The following KCNQ1 variants were observed in gnomAD, a reference collection of about 807,000 sequenced individuals.
KCNQ1 encodes potassium voltage-gated channel subfamily KQT member 1.
Under a neutral mutation model 72.4 loss-of-function variants are expected in KCNQ1, and 49 were observed. The ratio of observed to expected loss-of-function variants is 0.68; its 90% confidence interval spans 0.54 to 0.86. The LOEUF (loss-of-function observed/expected upper bound fraction) is 0.86, where lower values mean the gene tolerates loss of function less well. Among genes scored for constraint, KCNQ1 ranks in the 40% least tolerant of loss-of-function variants. The pLI is 0.00. For synonymous variants in KCNQ1, 450 were observed against 412.6 expected (o/e 1.09, Z -1.10); for missense variants, 790 against 945.1 (o/e 0.84, Z 2.15).
chr11:2,578,540 G>A (rs1207311031), intron 6 of KCNQ1, among the ~76,000 whole-genome samples: 1 of 152,248 alleles, frequency 6.6e-6, no homozygotes, highest in Non-Finnish European at 1.5e-5. Flanking sequence ...TTCCTTCCAA[G>A]CCCTGGAGAG....
At chr11:2,461,804 A>G in intron 1 of KCNQ1, 2 of 1,067,542 alleles carry the variant, frequency 1.9e-6, no homozygotes, top group Non-Finnish European at 2.6e-6. Context: ...GGTGGCGGGT[A>G]GATGGGTGGA....
At chr11:2,641,143 A>C (rs995205401) in intron 10 of KCNQ1, 1 of 398,500 alleles carries the variant, frequency 2.5e-6, no homozygotes, top group Admixed American at 4.4e-5. Context: ...ATGCAGGTAC[A>C]TTTTTAGTAT....
At chr11:2,635,922 G>C (rs576270306) in intron 10 of KCNQ1, 33 of 152,150 alleles carry the variant, frequency 2.2e-4, no homozygotes, top group African/African-American at 7.9e-4. Context: ...TGGATTCCTA[G>C]GTATTTTATT....
chr11:2,522,109 C>T (rs1184021588), intron 1 of KCNQ1, among the ~76,000 whole-genome samples: 1 of 152,228 alleles, frequency 6.6e-6, no homozygotes, highest in East Asian at 1.9e-4. Flanking sequence ...GGCTGGTACT[C>T]GCCGTCACTG....
chr11:2,740,769 G>A (rs2237874), intron 11 of KCNQ1, among the ~76,000 whole-genome samples: 5,588 of 152,262 alleles, frequency 0.037, 170 homozygotes, highest in East Asian at 0.14. Context: ...CCTCAAAGGC[G>A]GCTGCGGCTC....
chr11:2,673,707 A>G lies in KCNQ1; in HGVS notation c.1514+11626A>G, dbSNP rs920805508. ...AATGTTTAATTCCTGAGGTTGCTGA[A>G]TCTCAGGGCTTGGAAGGCCCAGACT... is the stretch of plus-strand genomic sequence containing the variant. On this transcript the variant is annotated intron_variant, in intron 11 of 15. Coordinates refer to ENST00000155840, the MANE Select transcript of KCNQ1 (RefSeq NM_000218.3). This position sits in a 1 kb window ranked among gnomAD's most constrained non-coding sequence, Gnocchi z 4.5. The G allele has an allele frequency of 2.5e-6, 1 of 398,628 alleles. No individual in the cohort carries two copies. The highest frequency in any genetic ancestry group is 2.1e-5 in the African/African-American group (1 of 48,642). 24.7% of individuals were successfully genotyped at this position (398,628 alleles called of 1,614,324 possible). A position where few individuals can be genotyped will look rare whatever the true frequency, so the allele number is the denominator to read the frequency against.
In KCNQ1 at chr11:2,767,476, A is replaced by G. The variant is rs1846520163; in HGVS notation, c.1515-1368A>G. Among the ~76,000 whole-genome samples, 1 of 152,204 alleles carries G rather than the reference A, an allele frequency of 6.6e-6. No homozygotes were observed. Among genetic ancestry groups the G allele is most frequent in the African/African-American group, 2.4e-5 (1 of 41,448 alleles). On this transcript the variant is annotated intron_variant, in intron 11 of 15. Transcript: ENST00000155840. This position sits in a 1 kb window ranked among gnomAD's most constrained non-coding sequence, Gnocchi z 4.6. ...AGTATTTAAGGCTGTTGGAAGTACC[A>G]CACCTTTAGATCTGTATGATCTCTC...
chr11:2,487,789 G>A (rs1589908150), intron 1 of KCNQ1, among the ~76,000 whole-genome samples: 2 of 152,122 alleles, frequency 1.3e-5, no homozygotes, highest in African/African-American at 4.8e-5. Context: ...TTCTACATAT[G>A]AGATTATGTT....
At chr11:2,606,076 T>A (rs1848874084) in intron 10 of KCNQ1, among the ~76,000 whole-genome samples, 1 of 152,258 alleles carries the variant, frequency 6.6e-6, no homozygotes, top group African/African-American at 2.4e-5. Context: ...TCATTTTAAG[T>A]ATATAGTTAT....
In KCNQ1 at chr11:2,620,222, T is replaced by A. The variant is rs1286937119; in HGVS notation, c.1393+31368T>A. 11 of 274,394 alleles carry A rather than the reference T, an allele frequency of 4.0e-5. No individual in the cohort carries two copies. The highest frequency in any genetic ancestry group is 4.6e-5 in the African/African-American group (2 of 43,742). The allele number at this position is 274,394 out of a possible 1,614,324, so 17.0% of individuals were successfully genotyped here. ...ATGTATATATATATATTTTTTTTTT[T>A]TATTTTTTTTTTAGACGGAGTTTCG... On this transcript the variant is annotated intron_variant, in intron 10 of 15. Transcript: ENST00000155840. This position sits in a 1 kb window ranked among gnomAD's most constrained non-coding sequence, Gnocchi z 4.5.
chr11:2,665,328 G>C, intron 11 of KCNQ1: 1 of 398,358 alleles, frequency 2.5e-6, no homozygotes. Flanking sequence ...GGGAAGTAGA[G>C]ACTGTAGGCC....
At position 2,588,670 on chromosome 11, in the gene KCNQ1, A is replaced by G; in HGVS notation, c.1252-43A>G. The G allele has an allele frequency of 6.2e-7, 1 of 1,610,904 alleles. No individual in the cohort carries two copies. Among genetic ancestry groups the G allele is most frequent in the South Asian group, 1.1e-5 (1 of 90,986 alleles). On this transcript the variant is annotated intron_variant, in intron 9 of 15. Transcript: ENST00000155840. This position sits in a 1 kb window ranked among gnomAD's most constrained non-coding sequence, Gnocchi z 5.6. ...CTGGGGCCGGCGTAGGGCCTGGCAG[A>G]CGATGTCCAGGAACCGCTAATCTGT...
chr11:2,650,946 T>C (rs1849747528), intron 10 of KCNQ1: 1 of 398,070 alleles, frequency 2.5e-6, no homozygotes. Context: ...TCCTTTTTTC[T>C]TAGTACCCCT....
chr11:2,526,733 G>T lies in KCNQ1; in HGVS notation c.387-1195G>T, dbSNP rs1847515396. Among the ~76,000 whole-genome samples, 1 of 152,090 alleles carries T rather than the reference G, an allele frequency of 6.6e-6. No homozygotes were observed. The highest frequency in any genetic ancestry group is 1.5e-5 in the Non-Finnish European group (1 of 67,990). ...TGGAAGAGGATGGGTTCTGGGTGGG[G>T]CTGACTTCAGGAGGCTGGATGAGAG... On this transcript the variant is annotated intron_variant, in intron 1 of 15. Coordinates refer to ENST00000155840, the MANE Select transcript of KCNQ1 (RefSeq NM_000218.3). This position sits in a 1 kb window ranked among gnomAD's most constrained non-coding sequence, Gnocchi z 6.1.
Position 2,827,588 on chromosome 11 carries a change from G to A in KCNQ1, c.1795-20179G>A, listed in dbSNP as rs1172179885. On this transcript the variant is annotated intron_variant, in intron 15 of 15. Coordinates refer to ENST00000155840, the MANE Select transcript of KCNQ1 (RefSeq NM_000218.3). The surrounding 1 kb of genome is among the most constrained non-coding windows in gnomAD (Gnocchi z 6.7). ...GGGACGGAGTCTCTATTCCAGGCAGGCAAACACTCAGCTTAATTCAGGGTT... is the reference window on the plus strand; with the variant it reads ...GGGACGGAGTCTCTATTCCAGGCAGACAAACACTCAGCTTAATTCAGGGTT... Among the ~76,000 whole-genome samples, 3 of 131,372 alleles carry A rather than the reference G, an allele frequency of 2.3e-5. No homozygotes were observed. Among genetic ancestry groups the A allele is most frequent in the Non-Finnish European group, 4.7e-5 (3 of 63,930 alleles). The allele number at this position is 131,372 out of a possible 152,430, so 86.2% of individuals were successfully genotyped here.
intron 11 of KCNQ1, among the ~76,000 whole-genome samples, chr11:2,736,968 A>G (rs1370905558): frequency 6.6e-6 from 1 of 152,008 alleles, no homozygotes; most frequent in African/African-American, 2.4e-5. Flanking sequence ...CCCGACCCCC[A>G]CCGCCTGCCT....
rs1201300558 is a variant in KCNQ1 at position 2,612,596 on chromosome 11, T to G, written c.1393+23742T>G. 2.5e-6 allele frequency: 1 copy of G among 398,484 alleles called. No individual in the cohort carries two copies. Among genetic ancestry groups the G allele is most frequent in the Non-Finnish European group, 4.4e-6 (1 of 226,070 alleles). The allele number at this position is 398,484 out of a possible 1,614,324, so 24.7% of individuals were successfully genotyped here. ...TACAGAATTTCTATTTGGTTTCTAA[T>G]TTCTATCTCTATATTGATATTATCT... On this transcript the variant is annotated intron_variant, in intron 10 of 15. Transcript: ENST00000155840. The surrounding 1 kb of genome is among the most constrained non-coding windows in gnomAD (Gnocchi z 5.5).
rs1400900602 is a variant in KCNQ1, at chr11:2,526,975, G to A, written c.387-953G>A. 1.3e-5 allele frequency among the ~76,000 whole-genome samples: 2 copies of A among 152,154 alleles called. No homozygotes were observed. Among genetic ancestry groups the A allele is most frequent in the Non-Finnish European group, 2.9e-5 (2 of 68,010 alleles). On this transcript the variant is annotated intron_variant, in intron 1 of 15. Transcript: ENST00000155840. This position sits in a 1 kb window ranked among gnomAD's most constrained non-coding sequence, Gnocchi z 6.1. ...GGCTCTCCGGTCGCTGAGGATCCAC[G>A]GGGGTCCCTGGAGTCTCCGGAGCCC...
chr11:2,769,815 C>T lies in KCNQ1; in HGVS notation c.1590+896C>T, dbSNP rs950821629. Among the ~76,000 whole-genome samples the T allele has an allele frequency of 1.6e-4, 25 of 152,056 alleles. No homozygotes were observed. Among genetic ancestry groups the T allele is most frequent in the African/African-American group, 5.8e-4 (24 of 41,400 alleles). ...TCTGCAGGAGCAGGGCAGGGTGGGG[C>T]TTCTGAGCTGGGGGCCCCTGGCACC... On this transcript the variant is annotated intron_variant, in intron 12 of 15. Transcript: ENST00000155840. This position sits in a 1 kb window ranked among gnomAD's most constrained non-coding sequence, Gnocchi z 4.6.
Sources: gnomAD v4.1 joint callset for allele counts (sites outside exome capture counted in the v4.1 genomes callset) on GRCh38, gnomAD v4.1.1 for gene constraint, Gnocchi (gnomAD v3.1) non-coding constraint, MANE v1.5 for transcripts, NCBI Gene and HGNC (gene_info 2026-07-23, HGNC 2026-07-21) for gene names.